The following KRABD5 variants were observed in gnomAD, a reference collection of about 807,000 sequenced individuals.
The protein encoded by KRABD5 is KRAB domain containing 5, also known as KRAB domain-containing protein 5.
At chr16:31,754,365 A>G in the KRABD5 span, 1 of 611,626 alleles carries the variant, frequency 1.6e-6, no homozygotes, top group African/African-American at 1.8e-5. Context: ...GGAATAGATA[A>G]TTTGGGAAAA....
the KRABD5 span, among the ~76,000 whole-genome samples, chr16:31,744,467 A>G: frequency 6.6e-6 from 1 of 152,204 alleles, no homozygotes; most frequent in East Asian, 1.9e-4. Flanking sequence ...CATCCCAGGG[A>G]TGAATCCAAC....
chr16:31,721,113 C>G, the KRABD5 span, among the ~76,000 whole-genome samples: 48 of 152,250 alleles, frequency 3.2e-4, no homozygotes, highest in Admixed American at 1.1e-3. Flanking sequence ...GAACTAGACT[C>G]AGAAACACAA....
chr16:31,729,876 A>G, the KRABD5 span, among the ~76,000 whole-genome samples: 421 of 152,162 alleles, frequency 2.8e-3, 1 homozygote, highest in Admixed American at 6.7e-3. Context: ...TAAGATGATA[A>G]TTATCCAACT....
At chr16:31,755,061 G>A in the KRABD5 span, 1 of 478,924 alleles carries the variant, frequency 2.1e-6, no homozygotes, top group Non-Finnish European at 4.3e-6. Context: ...TGTAAAGAAT[G>A]TGGTAAATCA....
At chr16:31,731,840 T>C in the KRABD5 span, among the ~76,000 whole-genome samples, 2 of 152,184 alleles carry the variant, frequency 1.3e-5, no homozygotes, top group African/African-American at 4.8e-5. Context: ...GGATTCCCAT[T>C]TGGGTCAGTG....
the KRABD5 span, among the ~76,000 whole-genome samples, chr16:31,746,309 G>A: frequency 0.037 from 5,568 of 152,202 alleles, 279 homozygotes; most frequent in East Asian, 0.12. Flanking sequence ...AGGCAGGCAT[G>A]GTGGTAATGA....
chr16:31,734,989 T>A, the KRABD5 span, among the ~76,000 whole-genome samples: 1 of 152,238 alleles, frequency 6.6e-6, no homozygotes, highest in East Asian at 1.9e-4. Context: ...ACTAAAATGA[T>A]CCACCCCTCT....
the KRABD5 span, chr16:31,757,850 G>GTAGGTAGATAGA: frequency 9.7e-6 from 1 of 103,338 alleles, no homozygotes; most frequent in Middle Eastern, 5.2e-3. Flanking sequence ...AGGTAGGTAG[G>GTAGGTAGATAGA]TAGATAGATA....
the KRABD5 span, among the ~76,000 whole-genome samples, chr16:31,744,143 A>G: frequency 9.9e-5 from 15 of 152,204 alleles, no homozygotes; most frequent in Non-Finnish European, 2.2e-4. Context: ...TGCCCTGGCC[A>G]GAACTTTCAA....
chr16:31,713,809 A>G, the KRABD5 span, among the ~76,000 whole-genome samples: 7 of 152,144 alleles, frequency 4.6e-5, no homozygotes, highest in African/African-American at 1.2e-4. Context: ...CTTACAAATT[A>G]AGGGGAGTCA....
At chr16:31,748,668 G>T in the KRABD5 span, among the ~76,000 whole-genome samples, 1 of 152,126 alleles carries the variant, frequency 6.6e-6, no homozygotes, top group Non-Finnish European at 1.5e-5. Flanking sequence ...TGGAGAAGAG[G>T]CACTCTGGCT....
the KRABD5 span, among the ~76,000 whole-genome samples, chr16:31,726,938 G>A: frequency 1.3e-5 from 2 of 152,024 alleles, no homozygotes; most frequent in Non-Finnish European, 2.9e-5. Context: ...CCATTTATTT[G>A]TGTCTTTTTC....
At chr16:31,725,108 T>TTTTATTTA in the KRABD5 span, among the ~76,000 whole-genome samples, 77 of 150,404 alleles carry the variant, frequency 5.1e-4, 1 homozygote, top group Middle Eastern at 3.4e-3. Flanking sequence ...AACATACTGA[T>TTTTATTTA]TTTATTTATT....
chr16:31,757,073 C>G, the KRABD5 span: 1 of 152,050 alleles, frequency 6.6e-6, no homozygotes, highest in Non-Finnish European at 1.5e-5. Context: ...TTTTTTCTTG[C>G]CTGTGATTCA....
chr16:31,713,362 C>A, the KRABD5 span: 1 of 1,576,684 alleles, frequency 6.3e-7, no homozygotes, highest in East Asian at 2.3e-5. Context: ...GACAGAACCT[C>A]TGTTACTCTG....
At chr16:31,752,293 G>A in the KRABD5 span, among the ~76,000 whole-genome samples, 1 of 152,142 alleles carries the variant, frequency 6.6e-6, no homozygotes, top group African/African-American at 2.4e-5. Context: ...TTCTGTAGAT[G>A]CCTATTAGGT....
the KRABD5 span, among the ~76,000 whole-genome samples, chr16:31,742,193 CAAA>C: frequency 6.9e-6 from 1 of 145,936 alleles, no homozygotes. Flanking sequence ...TTTATTTCCT[CAAA>C]AAAAAAAAAG....
the KRABD5 span, among the ~76,000 whole-genome samples, chr16:31,741,212 T>C: frequency 2.0e-5 from 3 of 152,344 alleles, no homozygotes; most frequent in South Asian, 2.1e-4. Context: ...CAGTCCACCA[T>C]TGATGGGCAT....
At chr16:31,732,109 C>T in the KRABD5 span, among the ~76,000 whole-genome samples, 2 of 152,162 alleles carry the variant, frequency 1.3e-5, no homozygotes, top group African/African-American at 4.8e-5. Flanking sequence ...TCAGATATAG[C>T]AATTTTTTTG....
Sources: gnomAD v4.1 joint callset for allele counts (sites outside exome capture counted in the v4.1 genomes callset) on GRCh38, gnomAD v4.1.1 for gene constraint, MANE v1.5 for transcripts, NCBI Gene and HGNC (gene_info 2026-07-23, HGNC 2026-07-21) for gene names.